The following LRRC27 variants were observed in gnomAD, a reference collection of about 807,000 sequenced individuals.
The protein encoded by LRRC27 is leucine-rich repeat-containing protein 27.
Under a neutral mutation model 55.0 loss-of-function variants are expected in LRRC27, and 57 were observed. The observed-to-expected ratio is 1.04, with a 90% CI of 0.84 to 1.29. The LOEUF is 1.29. Ranked by LOEUF, LRRC27 falls within the 50% of genes most tolerant of loss-of-function variation. LRRC27 has a pLI of 0.00. For missense variants in LRRC27, 721 were observed against 651.5 expected (o/e 1.11, Z -1.16); for synonymous variants, 278 against 251.9 (o/e 1.10, Z -0.98).
intron 9 of LRRC27, among the ~76,000 whole-genome samples, chr10:132,362,638 C>T (rs1474989527): frequency 1.4e-5 from 2 of 141,560 alleles, no homozygotes; most frequent in African/African-American, 5.5e-5. Flanking sequence ...CACAGCAGCT[C>T]GGGGGTCCAG....
At chr10:132,361,732 C>G (rs1215864060) in intron 9 of LRRC27, 157 bp downstream of exon 9, 2 of 612,040 alleles carry the variant, frequency 3.3e-6, no homozygotes, top group African/African-American at 3.7e-5. Context: ...GTGGTGGGCT[C>G]CAGGGAGAGC....
intron 9 of LRRC27, among the ~76,000 whole-genome samples, chr10:132,364,837 C>CACTTACACCCACCCTTACATCTACCT (rs2068971947): frequency 6.9e-6 from 1 of 145,592 alleles, no homozygotes. Flanking sequence ...TACCTCCACG[C>CACTTACACCCACCCTTACATCTACCT]CCACACCCTG....
chr10:132,330,408 C>A, upstream of LRRC27: 1 of 717,052 alleles, frequency 1.4e-6, no homozygotes, highest in East Asian at 2.7e-5. Flanking sequence ...CCATGTCACT[C>A]CTCATTCTCT....
chr10:132,336,307 T>A lies in LRRC27; in HGVS notation c.211-1258T>A, dbSNP rs535943646. On this transcript the variant is annotated intron_variant, in intron 2 of 10. Coordinates refer to ENST00000368614, the MANE Select transcript of LRRC27 (RefSeq NM_030626.3). The stretch of plus-strand genomic sequence containing the variant: ...GTGGAGGCATGCACATGCCTGTATG[T>A]GGGGGGTGCACACCCATATACGTGG... 7.0e-4 allele frequency among the ~76,000 whole-genome samples: 106 copies of A among 152,230 alleles called. No individual in the cohort carries two copies. The South Asian group carries it at 0.015, about 21-fold the overall frequency.
chr10:132,333,820 C>A, intron 2 of LRRC27, 86 bp downstream of exon 2: 2 of 995,754 alleles, frequency 2.0e-6, no homozygotes. Context: ...TATTTGTAGG[C>A]TTCTTTCTCT....
chr10:132,372,783 C>T lies in LRRC27; in HGVS notation c.1417-2283C>T, dbSNP rs72863825. Among the ~76,000 whole-genome samples, 792 of 152,314 alleles carry T rather than the reference C, an allele frequency of 5.2e-3. 3 individuals are homozygous for T. The highest frequency in any genetic ancestry group is 9.4e-3 in the Non-Finnish European group (638 of 68,022). ...TCAGGTGCACAACCGACCAGGAGGG[C>T]TGGCCAGCTCCATGGCGCTGTCTGA... On this transcript the variant is annotated intron_variant, in intron 10 of 10. Transcript: ENST00000368614. The surrounding 1 kb of genome is among the most constrained non-coding windows in gnomAD (Gnocchi z 4.0).
Position 132,364,359 on chromosome 10 carries a change from A to G in LRRC27, c.1290-1065A>G, listed in dbSNP as rs1477311393. Among the ~76,000 whole-genome samples the G allele has an allele frequency of 3.6e-3, 53 of 14,866 alleles. 1 individual carries two copies. Among genetic ancestry groups the G allele is most frequent in the South Asian group, 5.4e-3 (1 of 186 alleles). The allele number at this position is 14,866 out of a possible 152,430, so 9.8% of individuals were successfully genotyped here. The stretch of plus-strand genomic sequence containing the variant: ...ACACCCACACTTAATCTACCTCCAC[A>G]CCCGCGCTTACACCCACCCACACTT... On this transcript the variant is annotated intron_variant, in intron 9 of 10. Transcript: ENST00000368614.
At chr10:132,368,490 A>G (rs1253348641) in intron 10 of LRRC27, among the ~76,000 whole-genome samples, 1 of 152,226 alleles carries the variant, frequency 6.6e-6, no homozygotes, top group Non-Finnish European at 1.5e-5. Context: ...AGAGAGCCCC[A>G]AAATAGACCC....
chr10:132,344,766 G>C, intron 5 of LRRC27, 116 bp downstream of exon 5: 1 of 1,124,838 alleles, frequency 8.9e-7, no homozygotes, highest in Non-Finnish European at 1.3e-6. Context: ...GGAGCCATGG[G>C]TCCTCTGCTG....
chr10:132,353,729 G>A (rs1296729669), intron 7 of LRRC27, among the ~76,000 whole-genome samples: 4 of 152,276 alleles, frequency 2.6e-5, no homozygotes, highest in South Asian at 2.1e-4. Flanking sequence ...AGGGAGCACC[G>A]GGAAGGCTTT....
intron 8 of LRRC27, among the ~76,000 whole-genome samples, chr10:132,359,806 C>T (rs980250179): frequency 6.6e-6 from 1 of 152,204 alleles, no homozygotes; most frequent in African/African-American, 2.4e-5. Context: ...ATGACTTGAG[C>T]CCATATTTTG....
Position 132,355,894 on chromosome 10 carries a change from A to G in LRRC27, c.1170+8A>G, listed in dbSNP as rs1182891076. 6.5e-7 allele frequency: 1 copy of G among 1,546,694 alleles called. No individual in the cohort carries two copies. The highest frequency in any genetic ancestry group is 8.7e-7 in the Non-Finnish European group (1 of 1,143,278). Reference sequence around the variant, plus strand: ...CCTCCGCGGAGGAGCATGGTACGGCACGCGCGGGCGGTGACCGGGCACTAG... The same window carrying G: ...CCTCCGCGGAGGAGCATGGTACGGCGCGCGCGGGCGGTGACCGGGCACTAG... On this transcript the variant is annotated splice_region_variant and intron_variant, in intron 8 of 10. Transcript: ENST00000368614.
At chr10:132,353,202 C>T in intron 7 of LRRC27, 6 of 1,375,090 alleles carry the variant, frequency 4.4e-6, no homozygotes, top group Non-Finnish European at 5.7e-6. Flanking sequence ...CTCGTCTTTA[C>T]TTTCCCGGCT....
chr10:132,369,257 C>T (rs1038576129), intron 10 of LRRC27, among the ~76,000 whole-genome samples: 3 of 152,236 alleles, frequency 2.0e-5, no homozygotes, highest in African/African-American at 7.2e-5. Flanking sequence ...ATCCAGTAAT[C>T]ACACTCCTTG....
At chr10:132,355,940 G>A in intron 8 of LRRC27, 54 bp downstream of exon 8, 1 of 1,246,224 alleles carries the variant, frequency 8.0e-7, no homozygotes, top group Non-Finnish European at 1.1e-6. Flanking sequence ...GGGGTGGGTG[G>A]GTGCTCACAG....
Position 132,378,721 on chromosome 10 carries a change from A to G in LRRC27, c.*3479A>G, listed in dbSNP as rs943408929. 2 of 152,248 alleles carry G rather than the reference A, an allele frequency of 1.3e-5. No homozygotes were observed. The highest frequency in any genetic ancestry group is 2.9e-5 in the Non-Finnish European group (2 of 68,068). The allele number at this position is 152,248 out of a possible 1,614,324, so 9.4% of individuals were successfully genotyped here. On this transcript the variant is annotated 3_prime_UTR_variant, in exon 11 of 11. Coordinates refer to ENST00000368614, the MANE Select transcript of LRRC27 (RefSeq NM_030626.3). ...TAAAAACAGCAGCTTTATGATAGAG[A>G]AAAAAACACAAACATAGACGATTGT...
At chr10:132,331,795 TCTA>T (rs1245446226), upstream of LRRC27, 3 of 1,599,944 alleles carry the variant, frequency 1.9e-6, no homozygotes, top group African/African-American at 4.0e-5. Context: ...CCTCGCGGTC[TCTA>T]CTTGCCCGTC....
chr10:132,366,038 G>A (rs917385960), intron 10 of LRRC27, among the ~76,000 whole-genome samples: 17 of 152,374 alleles, frequency 1.1e-4, no homozygotes, highest in South Asian at 4.1e-4. Context: ...CATTTCAGCC[G>A]AGGGGCTGAG....
In LRRC27 at chr10:132,337,639, GCTGGA is replaced by G. The variant is rs1209467574; in HGVS notation, c.287_291del (p.Leu96ProfsTer5). The G allele has an allele frequency of 6.2e-6, 10 of 1,614,188 alleles. No homozygotes were observed. Among genetic ancestry groups the G allele is most frequent in the Non-Finnish European group, 8.5e-6 (10 of 1,180,028 alleles). On this transcript the variant is annotated frameshift_variant, in exon 3 of 11. Coordinates refer to ENST00000368614, the MANE Select transcript of LRRC27 (RefSeq NM_030626.3). LOFTEE classifies it high-confidence loss of function. Reference sequence around the variant, plus strand: ...TTCAGTTGCTTCCGAACCTGACTTGGCTGGACCTCCGGTACAATAGAATTAAAGCG... The same window carrying G: ...TTCAGTTGCTTCCGAACCTGACTTGGCCTCCGGTACAATAGAATTAAAGCG...
Sources: gnomAD v4.1 joint callset for allele counts (sites outside exome capture counted in the v4.1 genomes callset) on GRCh38, gnomAD v4.1.1 for gene constraint, Gnocchi (gnomAD v3.1) non-coding constraint, MANE v1.5 for transcripts, NCBI Gene and HGNC (gene_info 2026-07-23, HGNC 2026-07-21) for gene names.